CEP192: variants seen among roughly 807,000 people sequenced by gnomAD.
CEP192 encodes the protein centrosomal protein 192, also known as centrosomal protein of 192 kDa.
In CEP192, 151 loss-of-function variants were observed where a neutral mutation model predicts 271.8. That is an observed-to-expected ratio of 0.56 (90% confidence interval 0.49 to 0.64). CEP192 has a LOEUF of 0.64. CEP192 is among the 30% of genes least tolerant of loss of function. The pLI is 0.00. For missense variants in CEP192, 2,910 were observed against 3,020.5 expected, an observed-to-expected ratio of 0.96 and a Z score of 0.86; for synonymous variants, 995 against 1,076.5, an observed-to-expected ratio of 0.92 and a Z score of 1.48.
intron 40 of CEP192, among the ~76,000 whole-genome samples, chr18:13,110,469 A>G (rs533077507): frequency 6.6e-6 from 1 of 152,072 alleles, no homozygotes; most frequent in South Asian, 2.1e-4. Flanking sequence ...AGACAGTTCA[A>G]TGGGGAAAGA....
intron 30 of CEP192, among the ~76,000 whole-genome samples, chr18:13,078,627 TTTGTTGTTG>T (rs376534007): frequency 6.6e-6 from 1 of 151,956 alleles, no homozygotes; most frequent in Non-Finnish European, 1.5e-5. Flanking sequence ...TCGCCATTCT[TTTGTTGTTG>T]TTGTTGTTGT....
intron 13 of CEP192, 24 bp from the exon 14 acceptor site, chr18:13,040,806 A>G: frequency 6.4e-7 from 1 of 1,552,200 alleles, no homozygotes; most frequent in Non-Finnish European, 8.8e-7. Context: ...TCAAAGAAAT[A>G]ATTTACCTTT....
rs781398136 is a variant in CEP192, at chr18:13,038,569, A to T, written c.1799A>T (p.Asn600Ile). 1.2e-5 allele frequency: 19 copies of T among 1,551,012 alleles called. No individual in the cohort carries two copies. The highest frequency in any genetic ancestry group is 1.7e-5 in the Non-Finnish European group (19 of 1,146,524). The stretch of plus-strand genomic sequence containing the variant: ...CTTGGTTGCCTTGGTGGTGGTAACA[A>T]TGTGAAAAGAGTAAGTATGGAATCT... ...EALGCLGGGN[N>I]VKRPSFGYFI... is the part of the protein sequence containing the mutation. The change falls in exon 13 of 45, where the codon AAT becomes ATT. Residue 600 changes from asparagine (N) to isoleucine (I), a missense_variant. Asn to Ile is a moderately radical substitution (Grantham distance 149). Transcript: ENST00000506447.
chr18:13,019,011 A>G (rs1452987167), intron 8 of CEP192, 71 bp from the exon 9 acceptor site: 4 of 1,376,436 alleles, frequency 2.9e-6, no homozygotes, highest in African/African-American at 3.0e-5. Flanking sequence ...TTTGACTGGC[A>G]AGAATCAGTT....
chr18:13,051,205 C>T (rs1052384076), intron 17 of CEP192, among the ~76,000 whole-genome samples: 1 of 152,060 alleles, frequency 6.6e-6, no homozygotes, highest in Non-Finnish European at 1.5e-5. Flanking sequence ...GTATGTCTTC[C>T]CTTTTATTTT....
At chr18:13,069,016 GT>G (rs1568368840) in intron 25 of CEP192, 25 bp downstream of exon 25, 1 of 1,614,098 alleles carries the variant, frequency 6.2e-7, no homozygotes, top group Non-Finnish European at 8.5e-7. Flanking sequence ...CCTTTCTGCC[GT>G]TACTGCTTTC....
In CEP192 at chr18:13,080,584, CAG is replaced by C. The variant is rs1410120810; in HGVS notation, c.5617-6432_5617-6431del. On this transcript the variant is annotated intron_variant, in intron 30 of 44. Transcript: ENST00000506447. ...GATATACAATCATGTCATCTGCAAACAGGGACAATTTGACTTCCTCTTTTCCT... is the reference window on the plus strand; with the variant it reads ...GATATACAATCATGTCATCTGCAAACGGACAATTTGACTTCCTCTTTTCCT... Among the ~76,000 whole-genome samples, 4 of 152,274 alleles carry C rather than the reference CAG, an allele frequency of 2.6e-5. 1 individual carries two copies. In the East Asian group the frequency reaches 7.7e-4, roughly 29 times the overall value.
chr18:13,066,505 A>T (rs2037706842), intron 21 of CEP192, among the ~76,000 whole-genome samples: 1 of 152,160 alleles, frequency 6.6e-6, no homozygotes, highest in South Asian at 2.1e-4. Flanking sequence ...GAATCCAATG[A>T]TGTGTCCTAG....
chr18:13,054,597 T>C (rs2036982879), intron 18 of CEP192, among the ~76,000 whole-genome samples: 1 of 152,220 alleles, frequency 6.6e-6, no homozygotes, highest in Admixed American at 6.5e-5. Flanking sequence ...CTCAGACAGA[T>C]TACTAAACCT....
rs377025880 is a variant in CEP192, at chr18:13,105,046, T to G, written c.7014T>G (p.Ile2338Met). ...ATGCAGCATTCAGATGTTCTCCTAT[T>G]TCTGGTCTGCTGGAAAGCCATGGGA... ...ATYAAFRCSP[I>M]SGLLESHGIQ... The change falls in exon 40 of 45, where the codon ATT (isoleucine) becomes ATG (methionine). Residue 2338 changes from isoleucine to methionine, a missense_variant. Physicochemically the swap from Ile to Met is conservative, Grantham distance 10. Coordinates refer to ENST00000506447, the MANE Select transcript of CEP192 (RefSeq NM_032142.4). The G allele has an allele frequency of 5.0e-6, 8 of 1,613,984 alleles. No homozygotes were observed. The highest frequency in any genetic ancestry group is 6.8e-6 in the Non-Finnish European group (8 of 1,179,908).
intron 7 of CEP192, among the ~76,000 whole-genome samples, chr18:13,017,681 C>T (rs775278844): frequency 2.6e-5 from 4 of 152,150 alleles, no homozygotes; most frequent in South Asian, 2.1e-4. Flanking sequence ...ACATTTCACT[C>T]GAATACTTCA....
intron 11 of CEP192, 128 bp downstream of exon 11, chr18:13,030,736 A>G (rs1316507373): frequency 1.4e-6 from 1 of 707,542 alleles, no homozygotes; most frequent in African/African-American, 1.8e-5. Context: ...GAAGCACTTC[A>G]CTTGTTTTTA....
intron 9 of CEP192, among the ~76,000 whole-genome samples, chr18:13,021,691 T>G (rs2035004153): frequency 1.3e-5 from 2 of 151,792 alleles, no homozygotes; most frequent in South Asian, 4.1e-4. Context: ...ACAGGTCACT[T>G]TGGGTAGTAT....
intron 18 of CEP192, among the ~76,000 whole-genome samples, chr18:13,053,830 C>T (rs1373586294): frequency 1.3e-5 from 2 of 152,130 alleles, no homozygotes; most frequent in Non-Finnish European, 2.9e-5. Context: ...GCTGGGACTA[C>T]AGGTGTGCAC....
intron 18 of CEP192, among the ~76,000 whole-genome samples, chr18:13,053,599 G>T (rs528743278): frequency 2.6e-5 from 4 of 152,296 alleles, no homozygotes; most frequent in Non-Finnish European, 5.9e-5. Context: ...GGCTAGAAGA[G>T]GGGGGACCAA....
intron 21 of CEP192, among the ~76,000 whole-genome samples, chr18:13,061,617 C>T (rs77765650): frequency 2.3e-3 from 350 of 152,282 alleles, no homozygotes; most frequent in African/African-American, 8.2e-3. Context: ...ATATTATAAA[C>T]TTTTAGTGAT....
rs1291150563 is a variant in CEP192, at chr18:13,017,171, C to T, written c.641-17C>T. On this transcript the variant is annotated splice_polypyrimidine_tract_variant and intron_variant, in intron 6 of 44. Transcript: ENST00000506447. ...TACTTTAAAGCATGTCCTGTTTTTTCTCGATTTTATCAATAGATGATGATA... is the reference window on the plus strand; with the variant it reads ...TACTTTAAAGCATGTCCTGTTTTTTTTCGATTTTATCAATAGATGATGATA... 7 of 1,522,046 alleles carry T rather than the reference C, an allele frequency of 4.6e-6. No homozygotes were observed. Among genetic ancestry groups the T allele is most frequent in the Admixed American group, 4.4e-5 (2 of 45,758 alleles). The allele number at this position is 1,522,046 out of a possible 1,614,324, so 94.3% of individuals were successfully genotyped here.
intron 38 of CEP192, among the ~76,000 whole-genome samples, chr18:13,103,019 A>T (rs986402357): frequency 6.6e-6 from 1 of 152,078 alleles, no homozygotes; most frequent in African/African-American, 2.4e-5. Flanking sequence ...TTTCTGATTT[A>T]TCTTCTTCCT....
intron 15 of CEP192, 52 bp from the exon 16 acceptor site, chr18:13,048,807 T>A: frequency 1.6e-6 from 2 of 1,237,096 alleles, no homozygotes; most frequent in Non-Finnish European, 2.3e-6. Context: ...GACTAATGAA[T>A]GTTCATGAAA....
Sources: gnomAD v4.1 joint callset for allele counts (sites outside exome capture counted in the v4.1 genomes callset) on GRCh38, gnomAD v4.1.1 for gene constraint, MANE v1.5 for transcripts, NCBI Gene and HGNC (gene_info 2026-07-23, HGNC 2026-07-21) for gene names.